Variants in ZNF385C observed in about 807,000 individuals in gnomAD.
The protein encoded by ZNF385C is zinc finger protein 385C, also known as CTD-2132N18.2.
ZNF385C carries 28 observed loss-of-function variants against 35.4 expected under a neutral mutation model. The ratio of observed to expected loss-of-function variants is 0.79; its 90% CI spans 0.59 to 1.08. The LOEUF (loss-of-function observed/expected upper bound fraction) is 1.08. ZNF385C is among the 50% of genes least tolerant of loss of function. The pLI, the probability that ZNF385C is intolerant of heterozygous loss-of-function variation, is 0.00. For synonymous variants in ZNF385C, 248 were observed against 248.2 expected (o/e 1.00, Z 0.01); for missense variants, 605 against 595.6 (o/e 1.02, Z -0.16).
chr17:42,077,462 G>A (rs977189203), intron 1 of ZNF385C, among the ~76,000 whole-genome samples: 1 of 152,178 alleles, frequency 6.6e-6, no homozygotes, highest in Non-Finnish European at 1.5e-5. Flanking sequence ...CTTGGAAGAG[G>A]CCCATACCGA....
At chr17:42,043,665 C>G (rs1299424916) in intron 2 of ZNF385C, 1 of 277,976 alleles carries the variant, frequency 3.6e-6, no homozygotes, top group Non-Finnish European at 6.7e-6. Flanking sequence ...GTCCTCCCAG[C>G]TGAGGGGTGG....
chr17:42,093,330 G>A (rs1032846986), intron 1 of ZNF385C, among the ~76,000 whole-genome samples: 7 of 152,156 alleles, frequency 4.6e-5, no homozygotes, highest in Admixed American at 2.0e-4. Context: ...TCTTCTGAGG[G>A]AGACTCCAAG....
rs2052902034 is a variant in ZNF385C, at chr17:42,037,904, C to T, written c.251-19G>A. ...GGGCCTGCTGCAGGAGGAAGAAGGG[C>T]AGGGTCTGAAATGGGCTCTGTCCTA... On this transcript the variant is annotated intron_variant, in intron 2 of 8. Transcript: ENST00000692273. 6 of 1,537,330 alleles carry T rather than the reference C, an allele frequency of 3.9e-6. No homozygotes were observed. The South Asian group carries it at 7.3e-5, about 19-fold the overall frequency.
chr17:42,054,286 T>C (rs2053335847), intron 2 of ZNF385C, among the ~76,000 whole-genome samples: 1 of 152,228 alleles, frequency 6.6e-6, no homozygotes. Flanking sequence ...CTCTGCCTGC[T>C]GGATGGCTCT....
At position 42,028,956 on chromosome 17, in the gene ZNF385C, G is replaced by A; in HGVS notation, c.794C>T (p.Ser265Phe). 6.4e-7 allele frequency: 1 copy of A among 1,550,626 alleles called. No individual in the cohort carries two copies. The highest frequency in any genetic ancestry group is 1.2e-5 in the South Asian group (1 of 84,064). Residue 265 changes from serine to phenylalanine, a missense_variant, in exon 6 of 9, where the codon TCC (serine) becomes TTC (phenylalanine). Transcript: ENST00000692273. The part of the protein sequence containing the change: ...LDAASSSSSS[S>F]CPPCSPEPGR... ...AGGCTCTGGGGAGCAAGGTGGGCAG[G>A]AGGAAGAAGAGGATGAGGAGGCAGC...
chr17:42,028,931 A>T lies in ZNF385C; in HGVS notation c.819T>A (p.Pro273=), dbSNP rs556197642. 33 of 1,550,460 alleles carry T rather than the reference A, an allele frequency of 2.1e-5. No individual in the cohort carries two copies. The East Asian group carries it at 8.1e-4, about 38-fold the overall frequency. ...SSSCPPCSPE[P]GREAPGPEPA... is the part of the protein sequence containing the mutation. The stretch of plus-strand genomic sequence containing the variant: ...GCTCAGGCCCCGGTGCCTCTCTCCC[A>T]GGCTCTGGGGAGCAAGGTGGGCAGG... The change falls in exon 6 of 9, where the codon CCT becomes CCA. Residue 273 remains proline, a synonymous_variant. Transcript: ENST00000692273.
At chr17:42,055,928 C>T (rs1055358583) in intron 2 of ZNF385C, among the ~76,000 whole-genome samples, 4 of 152,166 alleles carry the variant, frequency 2.6e-5, no homozygotes, top group Non-Finnish European at 4.4e-5. Flanking sequence ...ACTCTTACCA[C>T]TACCCCTCTC....
intron 2 of ZNF385C, among the ~76,000 whole-genome samples, chr17:42,059,759 T>C (rs551487016): frequency 6.6e-6 from 1 of 152,318 alleles, no homozygotes; most frequent in Admixed American, 6.5e-5. Context: ...GTAACTGGGA[T>C]TACAGGCATG....
In ZNF385C at chr17:42,091,325, G is replaced by A. The variant is rs887644430; in HGVS notation, c.-3+7085C>T. 9.2e-5 allele frequency among the ~76,000 whole-genome samples: 14 copies of A among 152,132 alleles called. No homozygotes were observed. In the South Asian group the frequency reaches 1.0e-3, roughly 11 times the overall value. On this transcript the variant is annotated intron_variant, in intron 1 of 8. Transcript: ENST00000692273. ...TGTGTGCCTGTAGTCCCAGCTATTC[G>A]TGAGGCTCTGGACTGAGGGCTGGGG... is the stretch of plus-strand genomic sequence containing the variant.
At chr17:42,069,386 G>A (rs1555658629) in intron 1 of ZNF385C, among the ~76,000 whole-genome samples, 1 of 152,182 alleles carries the variant, frequency 6.6e-6, no homozygotes, top group Non-Finnish European at 1.5e-5. Context: ...GCCACCGTGA[G>A]GTGATGAGAT....
intron 2 of ZNF385C, among the ~76,000 whole-genome samples, chr17:42,048,414 A>G (rs1456109021): frequency 6.6e-6 from 1 of 151,482 alleles, no homozygotes; most frequent in African/African-American, 2.4e-5. Context: ...TCATGGTGGC[A>G]TATGCCTATA....
chr17:42,082,487 T>G (rs2053759567), intron 1 of ZNF385C, among the ~76,000 whole-genome samples: 1 of 152,256 alleles, frequency 6.6e-6, no homozygotes, highest in Non-Finnish European at 1.5e-5. Flanking sequence ...CCTGAGTCTC[T>G]GGTCCCAGGA....
intron 2 of ZNF385C, chr17:42,038,312 ACTCT>A: frequency 2.1e-6 from 1 of 471,766 alleles, no homozygotes; most frequent in Non-Finnish European, 3.8e-6. Flanking sequence ...CGCCCCTCTC[ACTCT>A]CTAACTATCC....
chr17:42,034,784 C>CAA (rs71357525), intron 3 of ZNF385C, among the ~76,000 whole-genome samples: 4,763 of 64,100 alleles, frequency 0.074, 343 homozygotes, highest in African/African-American at 0.21. Context: ...AACTTCGTCT[C>CAA]AAAAAAAAAA....
Position 42,063,043 on chromosome 17 carries a change from A to G in ZNF385C, c.14T>C (p.Leu5Pro), listed in dbSNP as rs2143849030. 1.5e-6 allele frequency: 1 copy of G among 653,722 alleles called. No homozygotes were observed. Among genetic ancestry groups the G allele is most frequent in the South Asian group, 1.7e-5 (1 of 59,152 alleles). 40.5% of individuals were successfully genotyped at this position (653,722 alleles called of 1,614,324 possible). A position where few individuals can be genotyped will look rare whatever the true frequency, so the allele number is the denominator to read the frequency against. Residue 5 changes from leucine to proline, a missense_variant, in exon 2 of 9, where the codon CTG (leucine) becomes CCG (proline). Leu to Pro is a moderately conservative substitution (Grantham distance 98, BLOSUM62 -3). Transcript: ENST00000692273. ...CTTCTCAGCCGGTGGGGGTGGGCTCAGTGGCCGCTTCATATCTGAGTGGAT... is the reference window on the plus strand; with the variant it reads ...CTTCTCAGCCGGTGGGGGTGGGCTCGGTGGCCGCTTCATATCTGAGTGGAT... The part of the protein sequence containing the change: MKRP[L>P]SPPPPAEKET...
At chr17:42,057,574 C>G (rs2053400690) in intron 2 of ZNF385C, among the ~76,000 whole-genome samples, 1 of 149,622 alleles carries the variant, frequency 6.7e-6, no homozygotes, top group African/African-American at 2.5e-5. Flanking sequence ...CAGCCTTCTT[C>G]TGGGGAAGGT....
At chr17:42,042,535 A>G (rs1377836699) in intron 2 of ZNF385C, among the ~76,000 whole-genome samples, 2 of 151,968 alleles carry the variant, frequency 1.3e-5, no homozygotes, top group Non-Finnish European at 2.9e-5. Flanking sequence ...AAAAAAAAAA[A>G]TTAAATACAT....
chr17:42,068,858 G>A (rs2053584477), intron 1 of ZNF385C, among the ~76,000 whole-genome samples: 1 of 152,242 alleles, frequency 6.6e-6, no homozygotes, highest in African/African-American at 2.4e-5. Flanking sequence ...GAACTGATGG[G>A]TGGGGAGGGG....
intron 2 of ZNF385C, among the ~76,000 whole-genome samples, chr17:42,056,829 C>T (rs1455252019): frequency 1.3e-5 from 2 of 152,148 alleles, no homozygotes; most frequent in Non-Finnish European, 2.9e-5. Context: ...TTTCACCTTC[C>T]GTCATGACTG....
Sources: gnomAD v4.1 joint callset for allele counts (sites outside exome capture counted in the v4.1 genomes callset) on GRCh38, gnomAD v4.1.1 for gene constraint, MANE v1.5 for transcripts, NCBI Gene and HGNC (gene_info 2026-07-23, HGNC 2026-07-21) for gene names.